SHPRH: variants seen among roughly 807,000 people sequenced by gnomAD.
SHPRH encodes the protein SNF2 histone linker PHD RING helicase.
SHPRH carries 106 observed loss-of-function variants against 202.5 expected under a neutral mutation model. The ratio of observed to expected loss-of-function variants is 0.52; its 90% CI spans 0.45 to 0.62. The LOEUF (loss-of-function observed/expected upper bound fraction) is 0.62. Among genes scored for constraint, SHPRH ranks in the 20% least tolerant of loss-of-function variants. SHPRH has a pLI of 0.00. For missense variants in SHPRH, 1,710 were observed against 2,020.0 expected (o/e 0.85, Z 2.94); for synonymous variants, 729 against 686.0 (o/e 1.06, Z -0.98).
intron 2 of SHPRH, among the ~76,000 whole-genome samples, chr6:145,871,788 T>C (rs1183046345): frequency 1.3e-5 from 2 of 152,180 alleles, no homozygotes; most frequent in South Asian, 2.1e-4. Flanking sequence ...GCTAGCTGAC[T>C]TCAAACTATA....
Position 145,886,210 on chromosome 6 carries a change from G to T in SHPRH, c.*481C>A. 2 of 407,748 alleles carry T rather than the reference G, an allele frequency of 4.9e-6. No homozygotes were observed. The highest frequency in any genetic ancestry group is 9.2e-6 in the Non-Finnish European group (2 of 217,204). 25.3% of individuals were successfully genotyped at this position (407,748 alleles called of 1,614,324 possible). Reference sequence around the variant, plus strand: ...ATGGTATAAGCCTACTCAAAAAATGGGTTAATATAATTCACCATCTACTTA... The same window carrying T: ...ATGGTATAAGCCTACTCAAAAAATGTGTTAATATAATTCACCATCTACTTA... On this transcript the variant is annotated 3_prime_UTR_variant, in exon 30 of 30. Coordinates refer to ENST00000275233, the MANE Select transcript of SHPRH (RefSeq NM_001042683.3).
intron 2 of SHPRH, among the ~76,000 whole-genome samples, chr6:145,865,160 T>C (rs1217464777): frequency 6.6e-6 from 1 of 152,212 alleles, no homozygotes; most frequent in African/African-American, 2.4e-5. Flanking sequence ...GGCATTGCTA[T>C]AGATGGAATT....
At chr6:145,915,795 A>G (rs576801989) in intron 23 of SHPRH, among the ~76,000 whole-genome samples, 2 of 144,412 alleles carry the variant, frequency 1.4e-5, no homozygotes, top group African/African-American at 4.9e-5. Context: ...ACTATGATGT[A>G]TCTAGGCAGT....
chr6:145,859,291 A>G (rs1779509693), downstream of SHPRH, among the ~76,000 whole-genome samples: 2 of 152,010 alleles, frequency 1.3e-5, no homozygotes, highest in Non-Finnish European at 2.9e-5. Flanking sequence ...TAGTTGTTAC[A>G]TGTCTCTAAT....
At chr6:145,864,191 C>A (rs1369667959), downstream of SHPRH, 1 of 196,900 alleles carries the variant, frequency 5.1e-6, no homozygotes, top group Non-Finnish European at 1.2e-5. Flanking sequence ...TATATTCTCA[C>A]TTCCTCATTT....
At chr6:145,859,702 T>G (rs939041884), downstream of SHPRH, among the ~76,000 whole-genome samples, 8 of 152,212 alleles carry the variant, frequency 5.3e-5, no homozygotes, top group African/African-American at 1.9e-4. Context: ...TTATGTTGTT[T>G]CTGATTCCAA....
Position 145,886,788 on chromosome 6 carries a change from C to A in SHPRH, c.4956-1G>T. 1 of 1,611,986 alleles carries A rather than the reference C, an allele frequency of 6.2e-7. No individual in the cohort carries two copies. Among genetic ancestry groups the A allele is most frequent in the Non-Finnish European group, 8.5e-7 (1 of 1,179,134 alleles). Reference sequence around the variant, plus strand: ...ATGCTTTGCTGATGAGTTCGTGTGACTGCAAGGTTTCCCAAATGAGCACAG... The same window carrying A: ...ATGCTTTGCTGATGAGTTCGTGTGAATGCAAGGTTTCCCAAATGAGCACAG... On this transcript the variant is annotated splice_acceptor_variant, in intron 29 of 29. Coordinates refer to ENST00000275233, the MANE Select transcript of SHPRH (RefSeq NM_001042683.3). LOFTEE classifies it high-confidence loss of function.
At chr6:145,877,683 T>A (rs538955412) in intron 2 of SHPRH, 2 of 152,320 alleles carry the variant, frequency 1.3e-5, no homozygotes, top group Non-Finnish European at 2.9e-5. Context: ...CCTTTTAGAT[T>A]TGATAAGAAA....
At chr6:145,919,642 T>C (rs1784258279) in intron 21 of SHPRH, 151 bp from the exon 22 acceptor site, 2 of 818,022 alleles carry the variant, frequency 2.4e-6, no homozygotes, top group East Asian at 2.9e-5. Context: ...GGGTCATTTT[T>C]AGGATGAAAT....
At chr6:145,913,939 T>C (rs970871545) in intron 23 of SHPRH, among the ~76,000 whole-genome samples, 1 of 152,170 alleles carries the variant, frequency 6.6e-6, no homozygotes, top group African/African-American at 2.4e-5. Context: ...CAATGAATTA[T>C]TCTTTTCCTC....
At chr6:145,915,261 C>T (rs2128742869) in intron 23 of SHPRH, among the ~76,000 whole-genome samples, 2 of 150,574 alleles carry the variant, frequency 1.3e-5, no homozygotes, top group Middle Eastern at 7.0e-3. Flanking sequence ...TTACCTCTTT[C>T]CTTTGTGCTA....
chr6:145,876,423 A>C, intron 2 of SHPRH, among the ~76,000 whole-genome samples: 1 of 152,208 alleles, frequency 6.6e-6, no homozygotes, highest in East Asian at 1.9e-4. Flanking sequence ...ATAAACAGAA[A>C]TATACAGTAT....
chr6:145,918,381 T>C (rs1241813686), intron 22 of SHPRH, 149 bp from the exon 23 acceptor site: 1 of 445,594 alleles, frequency 2.2e-6, no homozygotes, highest in East Asian at 3.7e-5. Flanking sequence ...AAATGGATAC[T>C]AGATAATATA....
chr6:145,863,055 C>T (rs888896514), downstream of SHPRH, among the ~76,000 whole-genome samples: 3 of 152,134 alleles, frequency 2.0e-5, no homozygotes, highest in African/African-American at 7.2e-5. Context: ...CTAAGGATAT[C>T]ATGTATTGAA....
chr6:145,940,698 A>G (rs569644101), intron 11 of SHPRH, 25 bp downstream of exon 11: 10 of 1,608,340 alleles, frequency 6.2e-6, no homozygotes, highest in Non-Finnish European at 8.5e-6. Flanking sequence ...AAATGCATGC[A>G]ATATGTGAGG....
intron 2 of SHPRH, among the ~76,000 whole-genome samples, chr6:145,874,479 G>A (rs1359701961): frequency 6.6e-6 from 1 of 151,506 alleles, no homozygotes; most frequent in Non-Finnish European, 1.5e-5. Flanking sequence ...TTTTTATTCT[G>A]AGCTTTATTA....
In SHPRH at chr6:145,893,209, C is replaced by A. The variant is rs371108887; in HGVS notation, c.4874+6G>T. 5 of 1,497,316 alleles carry A rather than the reference C, an allele frequency of 3.3e-6. No individual in the cohort carries two copies. In the African/African-American group the frequency reaches 5.8e-5, roughly 17 times the overall value. The allele number at this position is 1,497,316 out of a possible 1,614,324, so 92.8% of individuals were successfully genotyped here. ...AAATGTGACTGATTCTAATTTTAGT[C>A]CTTACTTTGTCTGTCCAATTCGGTG... On this transcript the variant is annotated splice_donor_region_variant and intron_variant, in intron 28 of 29. Transcript: ENST00000275233.
chr6:145,907,694 T>C (rs1430872235), intron 25 of SHPRH: 1 of 152,120 alleles, frequency 6.6e-6, no homozygotes, highest in Non-Finnish European at 1.5e-5. Context: ...GCCAACCTAT[T>C]CTCTCCTCAG....
intron 29 of SHPRH, among the ~76,000 whole-genome samples, chr6:145,887,228 C>T (rs896582874): frequency 6.6e-6 from 1 of 151,918 alleles, no homozygotes; most frequent in Non-Finnish European, 1.5e-5. Context: ...GTAAAAAGGC[C>T]CTTGTGGAAG....
Sources: allele counts gnomAD v4.1 joint callset (sites outside exome capture counted in the v4.1 genomes callset), GRCh38; gene constraint gnomAD v4.1.1; transcripts MANE v1.5; gene names NCBI Gene and HGNC (gene_info 2026-07-23, HGNC 2026-07-21).